Variants in UGT1A10 observed in about 807,000 individuals in gnomAD.
UGT1A10 encodes UDP-glucuronosyltransferase 1A10.
In UGT1A10, 49 loss-of-function variants were observed where a neutral mutation model predicts 45.8. That is an observed-to-expected ratio of 1.07 (90% confidence interval 0.85 to 1.36). UGT1A10 has a LOEUF of 1.36. Among genes scored for constraint, UGT1A10 ranks in the 40% most tolerant of loss-of-function variants. The pLI is 0.00. For missense variants in UGT1A10, 745 were observed against 668.6 expected, an observed-to-expected ratio of 1.11 and a Z score of -1.26; for synonymous variants, 284 against 249.7, an observed-to-expected ratio of 1.14 and a Z score of -1.29.
At chr2:233,720,813 C>T (rs929586898) in intron 1 of UGT1A10, among the ~76,000 whole-genome samples, 31 of 151,162 alleles carry the variant, frequency 2.1e-4, no homozygotes, top group Non-Finnish European at 4.3e-4. Context: ...TTAAGAAATT[C>T]TCCCACCTCA....
intron 1 of UGT1A10, chr2:233,743,709 C>T (rs1301083285): frequency 7.3e-7 from 1 of 1,367,384 alleles, no homozygotes; most frequent in Non-Finnish European, 9.8e-7. Context: ...GCCCCCGCCT[C>T]GCCATAGCGG....
chr2:233,724,340 A>ACC (rs1221376110), intron 1 of UGT1A10, among the ~76,000 whole-genome samples: 3 of 104,180 alleles, frequency 2.9e-5, no homozygotes, highest in East Asian at 3.0e-4. Flanking sequence ...CGGGGGGCTG[A>ACC]CCCCCCCCAC....
rs140668471 is a variant in UGT1A10 at position 233,691,546 on chromosome 2, C to G, written c.855+54169C>G. On this transcript the variant is annotated intron_variant, in intron 1 of 4. Coordinates refer to ENST00000344644, the MANE Select transcript of UGT1A10 (RefSeq NM_019075.4). ...ATGACTAGCTCTGGGCAAGTCTGTT[C>G]TAGTAATTCAAGGTACCACCTCTCA... The G allele has an allele frequency of 2.5e-5, 25 of 985,664 alleles. No homozygotes were observed. In the African/African-American group the frequency reaches 4.2e-4, roughly 16 times the overall value. 61.1% of individuals were successfully genotyped at this position (985,664 alleles called of 1,614,324 possible). A position where few individuals can be genotyped will look rare whatever the true frequency, so the allele number is the denominator to read the frequency against.
chr2:233,727,233 T>C (rs17864698), intron 1 of UGT1A10, among the ~76,000 whole-genome samples: 72 of 152,246 alleles, frequency 4.7e-4, no homozygotes, highest in Non-Finnish European at 7.8e-4. Context: ...TGCGGATGGC[T>C]CCAAGTCTAT....
rs17868320 is a variant in UGT1A10, at chr2:233,669,782, C to T, written c.855+32405C>T. Among the ~76,000 whole-genome samples the T allele has an allele frequency of 0.04, 6,066 of 152,236 alleles. 143 individuals carry two copies. Among genetic ancestry groups the T allele is most frequent in the Non-Finnish European group, 0.058 (3,958 of 67,998 alleles). ...CAATGCAACCTCCGCTTCCCGGGTT[C>T]AAGTGATTCTCCTGCCTCAGCCTCC... On this transcript the variant is annotated intron_variant, in intron 1 of 4. Transcript: ENST00000344644.
intron 1 of UGT1A10, among the ~76,000 whole-genome samples, chr2:233,655,351 A>G (rs1241738590): frequency 6.6e-6 from 1 of 152,158 alleles, no homozygotes; most frequent in Non-Finnish European, 1.5e-5. Context: ...TAACACTGGA[A>G]GTCTCACGTC....
intron 1 of UGT1A10, chr2:233,729,054 A>G (rs1209768756): frequency 1.2e-6 from 2 of 1,609,876 alleles, no homozygotes; most frequent in Admixed American, 3.3e-5. Context: ...TGACAAGGTA[A>G]TTAAGATGAA....
chr2:233,760,174 G>A (rs1178243322), intron 1 of UGT1A10: 18 of 1,539,292 alleles, frequency 1.2e-5, no homozygotes, highest in Non-Finnish European at 1.5e-5. Flanking sequence ...TGGACTGACA[G>A]CTTTTTATAG....
At chr2:233,671,749 C>T (rs1357824577) in intron 1 of UGT1A10, 1 of 1,286,554 alleles carries the variant, frequency 7.8e-7, no homozygotes, top group African/African-American at 1.5e-5. Flanking sequence ...AAATAGATAT[C>T]TCAGCAAAAG....
intron 1 of UGT1A10, chr2:233,754,267 A>C (rs1695437171): frequency 5.7e-6 from 1 of 176,798 alleles, no homozygotes; most frequent in African/African-American, 2.4e-5. Flanking sequence ...GTAAGGCTCA[A>C]AGTGCTGAGA....
At chr2:233,667,583 G>C (rs1282144662) in intron 1 of UGT1A10, among the ~76,000 whole-genome samples, 3 of 152,168 alleles carry the variant, frequency 2.0e-5, no homozygotes, top group Non-Finnish European at 4.4e-5. Flanking sequence ...ACTACCATCA[G>C]AGTGAACAGG....
intron 1 of UGT1A10, among the ~76,000 whole-genome samples, chr2:233,685,623 C>T (rs11902131): frequency 0.39 from 59,238 of 152,106 alleles, 11,737 homozygotes; most frequent in South Asian, 0.45. Flanking sequence ...AACTTTTTAT[C>T]ATCAAAGTTT....
intron 1 of UGT1A10, chr2:233,743,629 T>A (rs570829500): frequency 7.3e-7 from 1 of 1,367,190 alleles, no homozygotes; most frequent in Non-Finnish European, 9.8e-7. Context: ...AGACGTCGGC[T>A]GGGTCGCGGA....
In UGT1A10 at chr2:233,658,380, G is replaced by C. The variant is rs376454918; in HGVS notation, c.855+21003G>C. On this transcript the variant is annotated intron_variant, in intron 1 of 4. Coordinates refer to ENST00000344644, the MANE Select transcript of UGT1A10 (RefSeq NM_019075.4). ...TATCACAACTCATTAACCAACATTT[G>C]ATACATTATGATGAACTAAAGTCTG... Among the ~76,000 whole-genome samples, 4 of 152,178 alleles carry C rather than the reference G, an allele frequency of 2.6e-5. No individual in the cohort carries two copies. In the East Asian group the frequency reaches 7.7e-4, roughly 29 times the overall value.
chr2:233,683,225 TC>T lies in UGT1A10; in HGVS notation c.855+45849del, dbSNP rs2074623966. On this transcript the variant is annotated intron_variant, in intron 1 of 4. Coordinates refer to ENST00000344644, the MANE Select transcript of UGT1A10 (RefSeq NM_019075.4). ...TCACTTCTATTTTATCAATATAAAATCTACTATCATGCTGGCTATGTTTTTT... is the reference window on the plus strand; with the variant it reads ...TCACTTCTATTTTATCAATATAAAATTACTATCATGCTGGCTATGTTTTTT... Among the ~76,000 whole-genome samples, 3 of 152,174 alleles carry T rather than the reference TC, an allele frequency of 2.0e-5. No homozygotes were observed. In the South Asian group the frequency reaches 6.2e-4, roughly 31 times the overall value.
At chr2:233,648,167 G>C (rs1360920314) in intron 1 of UGT1A10, 2 of 1,048,756 alleles carry the variant, frequency 1.9e-6, no homozygotes, top group Middle Eastern at 2.2e-4. Context: ...CTATTAATGA[G>C]TTCATCCAAA....
At chr2:233,719,835 G>C (rs2076806850) in intron 1 of UGT1A10, 18 of 1,540,274 alleles carry the variant, frequency 1.2e-5, no homozygotes, top group Non-Finnish European at 1.6e-5. Context: ...GAGGGGCCTA[G>C]TGTATTTCAA....
At chr2:233,686,517 C>T (rs949719611) in intron 1 of UGT1A10, among the ~76,000 whole-genome samples, 5 of 152,098 alleles carry the variant, frequency 3.3e-5, no homozygotes, top group Non-Finnish European at 7.4e-5. Context: ...GGAGCCTCCA[C>T]CTGCGTTAGA....
At position 233,648,284 on chromosome 2, in the gene UGT1A10, A is replaced by T. The variant is rs368230203; in HGVS notation, c.855+10907A>T. 1.5e-5 allele frequency: 9 copies of T among 610,146 alleles called. No individual in the cohort carries two copies. The East Asian group carries it at 3.1e-4, about 21-fold the overall frequency. The allele number at this position is 610,146 out of a possible 1,614,324, so 37.8% of individuals were successfully genotyped here. A position where few individuals can be genotyped will look rare whatever the true frequency, so the allele number is the denominator to read the frequency against. On this transcript the variant is annotated intron_variant, in intron 1 of 4. Transcript: ENST00000344644. ...GATGCGGTGTTTCTGGATCCTTTAG[A>T]TATGTGTGGCTTAATTGTTGCCAAA...
Sources: allele counts gnomAD v4.1 joint callset (sites outside exome capture counted in the v4.1 genomes callset), GRCh38; gene constraint gnomAD v4.1.1; transcripts MANE v1.5; gene names NCBI Gene and HGNC (gene_info 2026-07-23, HGNC 2026-07-21).